Variants in HCFC2 observed in about 807,000 individuals in gnomAD.
HCFC2 encodes host cell factor C2.
HCFC2 carries 18 observed loss-of-function variants against 89.2 expected under a neutral mutation model. The observed-to-expected ratio is 0.20, with a 90% confidence interval of 0.14 to 0.30. The LOEUF is 0.30. Ranked by LOEUF, HCFC2 falls within the 10% of genes least tolerant of loss-of-function variation. HCFC2 has a pLI of 1.00. For missense variants in HCFC2, 578 were observed against 956.1 expected, an observed-to-expected ratio of 0.60 and a Z score of 5.21; for synonymous variants, 308 against 335.7, an observed-to-expected ratio of 0.92 and a Z score of 0.90.
intron 3 of HCFC2, among the ~76,000 whole-genome samples, chr12:104,073,963 G>A (rs1484766820): frequency 1.3e-5 from 2 of 152,132 alleles, no homozygotes; most frequent in Non-Finnish European, 2.9e-5. Context: ...TTGAGTAGTT[G>A]CAATAGATTT....
rs1363320149 is a variant in HCFC2, at chr12:104,080,817, G to T, written c.754G>T (p.Val252Phe). The change falls in exon 5 of 15, where the codon GTT becomes TTT. Residue 252 changes from valine to phenylalanine, a missense_variant. Coordinates refer to ENST00000229330, the MANE Select transcript of HCFC2 (RefSeq NM_013320.3). ...PLPRSLHTAS[V>F]IGNKMYIFGG... ...TCCACGAAGCCTTCATACAGCCAGT[G>T]TTATAGGAAACAAGTATGGTGGTTT... 1 of 1,603,776 alleles carries T rather than the reference G, an allele frequency of 6.2e-7. No homozygotes were observed.
intron 7 of HCFC2, 80 bp from the exon 8 acceptor site, chr12:104,086,767 G>T: frequency 7.8e-7 from 1 of 1,288,000 alleles, no homozygotes; most frequent in South Asian, 1.4e-5. Flanking sequence ...TGTTTTCAAA[G>T]CTCTGGTCCA....
chr12:104,099,636 A>T (rs567823412), intron 13 of HCFC2, among the ~76,000 whole-genome samples: 3 of 151,816 alleles, frequency 2.0e-5, no homozygotes, highest in East Asian at 1.9e-4. Flanking sequence ...AAAAAAACTT[A>T]TACAATCACT....
Position 104,105,702 on chromosome 12 carries a change from A to T in HCFC2, c.*2429A>T, listed in dbSNP as rs1030554830. 1 of 152,044 alleles carries T rather than the reference A, an allele frequency of 6.6e-6. No homozygotes were observed. Among genetic ancestry groups the T allele is most frequent in the Non-Finnish European group, 1.5e-5 (1 of 67,910 alleles). 9.4% of individuals were successfully genotyped at this position (152,044 alleles called of 1,614,324 possible). ...GTGGCTTTGACATTAGTAGTTAATAAGAGATCTTAGAGCTGTGTGCTGATG... is the reference window on the plus strand; with the variant it reads ...GTGGCTTTGACATTAGTAGTTAATATGAGATCTTAGAGCTGTGTGCTGATG... On this transcript the variant is annotated 3_prime_UTR_variant, in exon 15 of 15. Coordinates refer to ENST00000229330, the MANE Select transcript of HCFC2 (RefSeq NM_013320.3).
chr12:104,072,046 A>G (rs116616576), intron 3 of HCFC2, among the ~76,000 whole-genome samples: 7,142 of 152,080 alleles, frequency 0.047, 187 homozygotes, highest in South Asian at 0.11. Context: ...TATATTCTGG[A>G]TATGTTTTAT....
rs748369209 is a variant in HCFC2, at chr12:104,102,046, G to A, written c.1957G>A (p.Val653Ile). 14 of 1,614,028 alleles carry A rather than the reference G, an allele frequency of 8.7e-6. No homozygotes were observed. Among genetic ancestry groups the A allele is most frequent in the Non-Finnish European group, 1.1e-5 (13 of 1,179,922 alleles). ...TCCAGGCACAGGATACAGATTCAGG[G>A]TTGCTGCAATCAATGGTTGTGGGAT... is the stretch of plus-strand genomic sequence containing the variant. ...LVPGTGYRFR[V>I]AAINGCGIGP... is the part of the protein sequence containing the mutation. Residue 653 changes from valine (V) to isoleucine (I), a missense_variant, in exon 14 of 15, where the codon GTT (valine) becomes ATT (isoleucine). Val to Ile is a conservative substitution (Grantham distance 29). Around this residue, in one of 4 missense-constraint regions of HCFC2, gnomAD observed 140 missense variants for 266.4 expected, o/e 0.53. Coordinates refer to ENST00000229330, the MANE Select transcript of HCFC2 (RefSeq NM_013320.3).
intron 3 of HCFC2, among the ~76,000 whole-genome samples, chr12:104,069,841 C>T (rs946724159): frequency 1.3e-5 from 2 of 151,928 alleles, no homozygotes; most frequent in African/African-American, 4.8e-5. Context: ...TAATGCTCTC[C>T]CTCCCCTTGC....
At position 104,066,201 on chromosome 12, in the gene HCFC2, A is replaced by T; in HGVS notation, c.198A>T (p.Gly66=). 1 of 1,613,420 alleles carries T rather than the reference A, an allele frequency of 6.2e-7. No individual in the cohort carries two copies. Among genetic ancestry groups the T allele is most frequent in the Non-Finnish European group, 8.5e-7 (1 of 1,179,802 alleles). Residue 66 remains glycine, a synonymous_variant, in exon 2 of 15, where the codon GGA becomes GGT. Transcript: ENST00000229330. ...TNQWFLPAVR[G]DIPPGCAAHG... ...AGTGGTTTCTGCCAGCTGTTAGAGG[A>T]GATATCCCTCCAGGCTGTGCTGCCC...
chr12:104,083,126 A>G (rs1339802993), intron 7 of HCFC2, among the ~76,000 whole-genome samples: 1 of 152,198 alleles, frequency 6.6e-6, no homozygotes, highest in African/African-American at 2.4e-5. Flanking sequence ...TAAAGTATGG[A>G]AAGGGAAAAT....
At position 104,088,032 on chromosome 12, in the gene HCFC2, TA is replaced by T; in HGVS notation, c.1280del (p.Asn427ThrfsTer7). On this transcript the variant is annotated frameshift_variant, in exon 9 of 15. Coordinates refer to ENST00000229330, the MANE Select transcript of HCFC2 (RefSeq NM_013320.3). LOFTEE classifies it high-confidence loss of function. The part of the protein sequence containing the change: ...HRQGSNNIVP[N>X]SINDTINSTK... ...GACAAGGCAGTAATAACATCGTTCCTAACAGTGTAAGTAAAAAAGTGTATGA... is the reference window on the plus strand; with the variant it reads ...GACAAGGCAGTAATAACATCGTTCCTACAGTGTAAGTAAAAAAGTGTATGA... 6.2e-7 allele frequency: 1 copy of T among 1,602,732 alleles called. No individual in the cohort carries two copies. The highest frequency in any genetic ancestry group is 1.1e-5 in the South Asian group (1 of 90,010).
chr12:104,100,906 G>A (rs1260560498), intron 13 of HCFC2, among the ~76,000 whole-genome samples: 1 of 152,078 alleles, frequency 6.6e-6, no homozygotes, highest in African/African-American at 2.4e-5. Flanking sequence ...CTAAAATTTA[G>A]AGCTAGTAAA....
At chr12:104,093,634 TA>T (rs1884093400) in intron 10 of HCFC2, 71 bp downstream of exon 10, 9 of 1,329,880 alleles carry the variant, frequency 6.8e-6, no homozygotes, top group Non-Finnish European at 9.4e-6. Flanking sequence ...ATTGAAAAAG[TA>T]AATGTTGTAC....
At chr12:104,081,342 G>A (rs1400280867) in intron 5 of HCFC2, among the ~76,000 whole-genome samples, 1 of 152,180 alleles carries the variant, frequency 6.6e-6, no homozygotes, top group African/African-American at 2.4e-5. Context: ...GTGGATTAAA[G>A]TAAAACTTAC....
At chr12:104,067,891 T>C in intron 2 of HCFC2, 56 bp from the exon 3 acceptor site, 3 of 1,501,944 alleles carry the variant, frequency 2.0e-6, no homozygotes, top group Non-Finnish European at 2.7e-6. Context: ...CTATTGACAA[T>C]ATAGGAGTGC....
intron 10 of HCFC2, 137 bp downstream of exon 10, chr12:104,093,700 A>G (rs1033114068): frequency 2.1e-5 from 14 of 677,830 alleles, no homozygotes; most frequent in Non-Finnish European, 3.2e-5. Context: ...CCTGGTTAGA[A>G]TAATGTTAAA....
chr12:104,087,961 G>T, intron 8 of HCFC2, 25 bp from the exon 9 acceptor site: 3 of 1,525,470 alleles, frequency 2.0e-6, no homozygotes, highest in Non-Finnish European at 2.7e-6. Context: ...GAGCATATCA[G>T]TCTGAACCTT....
At chr12:104,096,329 A>T (rs1446595378) in intron 11 of HCFC2, 31 bp from the exon 12 acceptor site, 9 of 1,450,880 alleles carry the variant, frequency 6.2e-6, no homozygotes, top group Non-Finnish European at 8.6e-6. Flanking sequence ...AAGTTATGTA[A>T]ATCTTATCTG....
intron 5 of HCFC2, among the ~76,000 whole-genome samples, chr12:104,081,834 G>A (rs1258748614): frequency 1.3e-5 from 2 of 151,000 alleles, no homozygotes; most frequent in African/African-American, 4.9e-5. Context: ...GAGCCCAGGA[G>A]GTTGAGTTTG....
At chr12:104,066,098 T>C (rs1230073406) in intron 1 of HCFC2, 69 bp from the exon 2 acceptor site, 7 of 1,432,020 alleles carry the variant, frequency 4.9e-6, no homozygotes, top group African/African-American at 2.9e-5. Context: ...ATTGATGATA[T>C]ATATTTGCTG....
Sources: allele counts gnomAD v4.1 joint callset (sites outside exome capture counted in the v4.1 genomes callset), GRCh38; gene constraint gnomAD v4.1.1; regional missense constraint gnomAD v4.1.1; transcripts MANE v1.5; gene names NCBI Gene and HGNC (gene_info 2026-07-23, HGNC 2026-07-21).